The following SORBS2 variants were observed in gnomAD, a reference collection of about 807,000 sequenced individuals.
The protein encoded by SORBS2 is sorbin and SH3 domain-containing protein 2.
Under a neutral mutation model 97.7 loss-of-function variants are expected in SORBS2, and 46 were observed. That is an observed-to-expected ratio of 0.47 (90% CI 0.37 to 0.60). SORBS2 has a LOEUF of 0.60. Among genes scored for constraint, SORBS2 ranks in the 20% least tolerant of loss-of-function variants. The pLI, the probability that SORBS2 is intolerant of heterozygous loss-of-function variation, is 0.00. For missense variants in SORBS2, 1,316 were observed against 1,282.3 expected (o/e 1.03, Z -0.40); for synonymous variants, 476 against 473.4 (o/e 1.01, Z -0.07).
intron 4 of SORBS2, 123 bp from the exon 16 acceptor site, chr4:185,635,534 G>A (rs1350433191): frequency 1.4e-6 from 1 of 703,226 alleles, no homozygotes; most frequent in African/African-American, 1.8e-5. Flanking sequence ...GACAGCACCA[G>A]CTACACAAAC....
intron 2 of SORBS2, among the ~76,000 whole-genome samples, chr4:185,718,963 A>G (rs1440397756): frequency 6.6e-6 from 1 of 152,246 alleles, no homozygotes; most frequent in African/African-American, 2.4e-5. Context: ...TAAATTAGAA[A>G]CAGGTAAATG....
chr4:185,908,294 T>TATATATATATATATTTGTATACACACAA (rs2099252445), intron 1 of SORBS2, among the ~76,000 whole-genome samples: 12 of 75,690 alleles, frequency 1.6e-4, no homozygotes, highest in East Asian at 1.1e-3. Context: ...TATATATATA[T>TATATATATATATATTTGTATACACACAA]ATATATATAT....
At chr4:185,724,085 T>C (rs2098537763) in intron 2 of SORBS2, among the ~76,000 whole-genome samples, 1 of 152,248 alleles carries the variant, frequency 6.6e-6, no homozygotes, top group African/African-American at 2.4e-5. Flanking sequence ...TTCAAGGGTC[T>C]AATAAATTAG....
chr4:185,938,355 C>T lies in SORBS2; in HGVS notation c.-338+17841G>A, dbSNP rs187875772. ...TATTCTTTTGATAATCTAGGGGAACCTAGGATCCTCTCACCCAGAAAAATG... is the reference window on the plus strand; with the variant it reads ...TATTCTTTTGATAATCTAGGGGAACTTAGGATCCTCTCACCCAGAAAAATG... On this transcript the variant is annotated intron_variant, in intron 1 of 20. Coordinates refer to the SORBS2 transcript ENST00000284776. 2.2e-3 allele frequency among the ~76,000 whole-genome samples: 333 copies of T among 149,250 alleles called. 1 individual carries two copies. Among genetic ancestry groups the T allele is most frequent in the Admixed American group, 5.7e-3 (85 of 14,874 alleles).
At chr4:185,851,524 C>T (rs1296570598) in intron 1 of SORBS2, among the ~76,000 whole-genome samples, 8 of 152,006 alleles carry the variant, frequency 5.3e-5, no homozygotes, top group Admixed American at 2.0e-4. Context: ...TATATTACAT[C>T]GTGTAAAAGA....
chr4:185,743,348 G>T (rs770096364), intron 2 of SORBS2, among the ~76,000 whole-genome samples: 2 of 152,080 alleles, frequency 1.3e-5, no homozygotes, highest in African/African-American at 2.4e-5. Context: ...ATTCCTGATA[G>T]GGCTATTAAT....
At position 185,918,342 on chromosome 4, in the gene SORBS2, C is replaced by T. The variant is rs909541098; in HGVS notation, c.-338+37854G>A. 13 of 152,220 alleles carry T rather than the reference C, an allele frequency of 8.5e-5. No homozygotes were observed. The South Asian group carries it at 2.1e-3, about 24-fold the overall frequency. The allele number at this position is 152,220 out of a possible 1,614,324, so 9.4% of individuals were successfully genotyped here. ...ATGGTTACAGAGCTGGAGAAAGAAA[C>T]GTTATGTATGAGAAAATACTTTGGT... is the stretch of plus-strand genomic sequence containing the variant. On this transcript the variant is annotated intron_variant, in intron 1 of 20. Coordinates refer to the SORBS2 transcript ENST00000284776.
chr4:185,690,581 G>T, intron 2 of SORBS2: 1 of 1,516,486 alleles, frequency 6.6e-7, no homozygotes, highest in Non-Finnish European at 8.9e-7. Context: ...TTTTCACCTT[G>T]GAGAGTTTGT....
chr4:185,781,653 CGTCCCTTCCATTGCCTCCGG>C (rs1210717001), intron 1 of SORBS2, among the ~76,000 whole-genome samples: 26 of 41,790 alleles, frequency 6.2e-4, no homozygotes, highest in African/African-American at 1.7e-3. Flanking sequence ...GCCTCTCCAG[CGTCCCTTCCATTGCCTCCGG>C]CCTCTCCAGC....
chr4:185,922,751 C>A (rs1385610089), intron 1 of SORBS2, among the ~76,000 whole-genome samples: 3 of 152,102 alleles, frequency 2.0e-5, no homozygotes, highest in Non-Finnish European at 2.9e-5. Flanking sequence ...TCGCAGAGTG[C>A]TTTATGGATT....
intron 2 of SORBS2, among the ~76,000 whole-genome samples, chr4:185,752,341 T>G (rs994124714): frequency 9.9e-5 from 15 of 152,158 alleles, no homozygotes; most frequent in Admixed American, 3.9e-4. Context: ...AGTGGCACGA[T>G]CTTGGCTCAC....
chr4:185,686,410 C>T (rs146258317), intron 2 of SORBS2, among the ~76,000 whole-genome samples: 2 of 151,996 alleles, frequency 1.3e-5, no homozygotes, highest in East Asian at 3.9e-4. Context: ...ATCATTAAAC[C>T]AGAAAACCAA....
At chr4:185,819,519 C>G (rs2099195414) in intron 1 of SORBS2, among the ~76,000 whole-genome samples, 3 of 152,196 alleles carry the variant, frequency 2.0e-5, no homozygotes, top group Admixed American at 2.0e-4. Flanking sequence ...CCTTTTGGTC[C>G]CAGGTAAACC....
chr4:185,690,452 G>T, intron 2 of SORBS2, 110 bp downstream of exon 4: 1 of 587,994 alleles, frequency 1.7e-6, no homozygotes, highest in South Asian at 3.8e-5. Flanking sequence ...TATCTAATCA[G>T]AAACTCAGAA....
Position 185,607,063 on chromosome 4 carries a change from G to A in SORBS2, c.2796+4717C>T, listed in dbSNP as rs112143109. 4.4e-5 allele frequency: 45 copies of A among 1,033,402 alleles called. No homozygotes were observed. The highest frequency in any genetic ancestry group is 4.0e-4 in the South Asian group (12 of 29,864). The allele number at this position is 1,033,402 out of a possible 1,614,324, so 64.0% of individuals were successfully genotyped here. ...GGAAGGTGATTCGGCAGGTGCAGTC[G>A]CTGGGGACAATGGGAGGAGGACAGC... On this transcript the variant is annotated intron_variant, in intron 12 of 14. Transcript: ENST00000418609. This position sits in a 1 kb window ranked among gnomAD's most constrained non-coding sequence, Gnocchi z 5.2.
At chr4:185,624,038 T>C in exon 7 of SORBS2, 1 of 1,614,140 alleles carries the variant, frequency 6.2e-7, no homozygotes, top group Middle Eastern at 1.6e-4. Context: ...GTCCTTGCGG[T>C]TGATGCGGTG....
At chr4:185,806,633 AT>A (rs903517753) in intron 1 of SORBS2, among the ~76,000 whole-genome samples, 35 of 150,232 alleles carry the variant, frequency 2.3e-4, no homozygotes, top group South Asian at 1.1e-3. Context: ...AATTTTTTGT[AT>A]TTTTTAGTAG....
intron 2 of SORBS2, among the ~76,000 whole-genome samples, chr4:185,695,524 T>G (rs2098164061): frequency 6.6e-6 from 1 of 151,802 alleles, no homozygotes; most frequent in Non-Finnish European, 1.5e-5. Flanking sequence ...TTTAAAGAGA[T>G]GTATTTTAAA....
intron 1 of SORBS2, among the ~76,000 whole-genome samples, chr4:185,832,285 T>C (rs189021506): frequency 6.6e-6 from 1 of 152,322 alleles, no homozygotes. Flanking sequence ...CTGTTACATA[T>C]CTATAAAAAA....
Sources: gnomAD v4.1 joint callset for allele counts (sites outside exome capture counted in the v4.1 genomes callset) on GRCh38, gnomAD v4.1.1 for gene constraint, Gnocchi (gnomAD v3.1) non-coding constraint, MANE v1.5 for transcripts, NCBI Gene and HGNC (gene_info 2026-07-23, HGNC 2026-07-21) for gene names.